Variants in SNX6 observed in about 807,000 individuals in gnomAD.
SNX6 encodes sorting nexin-6.
A neutral mutation model predicts 63.0 loss-of-function variants in SNX6; 34 were observed. That is an observed-to-expected ratio of 0.54 (90% CI 0.41 to 0.72). The LOEUF (loss-of-function observed/expected upper bound fraction) is 0.72. SNX6 is among the 30% of genes least tolerant of loss of function. The pLI is 0.00. For missense variants in SNX6, 398 were observed against 471.4 expected (o/e 0.84, Z 1.44); for synonymous variants, 170 against 164.2 (o/e 1.04, Z -0.27).
intron 5 of SNX6, chr14:34,604,011 C>T: frequency 1.6e-6 from 1 of 613,834 alleles, no homozygotes; most frequent in Non-Finnish European, 2.1e-6. Context: ...TTAATACCAG[C>T]AGTGAATCCC....
intron 5 of SNX6, 75 bp downstream of exon 5, chr14:34,605,521 G>T: frequency 8.0e-7 from 1 of 1,253,442 alleles, no homozygotes; most frequent in Non-Finnish European, 1.1e-6. Flanking sequence ...ACCAAAAAAG[G>T]CATTAAAGCA....
In SNX6 at chr14:34,609,753, A is replaced by G; in HGVS notation, c.55-11T>C. ...ATTTATTGCTTTAAGCTAGAAAAAG[A>G]AAACCAGTATCTTCATGAAAATCAT... is the stretch of plus-strand genomic sequence containing the variant. On this transcript the variant is annotated splice_polypyrimidine_tract_variant and intron_variant, in intron 2 of 13. Transcript: ENST00000362031. 3.1e-5 allele frequency: 48 copies of G among 1,525,974 alleles called. No individual in the cohort carries two copies. The highest frequency in any genetic ancestry group is 4.3e-5 in the Non-Finnish European group (48 of 1,106,588). 94.5% of individuals were successfully genotyped at this position (1,525,974 alleles called of 1,614,324 possible).
At chr14:34,614,735 T>C (rs575891001) in intron 2 of SNX6, among the ~76,000 whole-genome samples, 6 of 152,116 alleles carry the variant, frequency 3.9e-5, no homozygotes, top group South Asian at 2.1e-4. Flanking sequence ...CTGGGCAACA[T>C]AGCAAGACCT....
chr14:34,577,613 G>C (rs2138283224), intron 10 of SNX6, among the ~76,000 whole-genome samples: 1 of 152,206 alleles, frequency 6.6e-6, no homozygotes, highest in African/African-American at 2.4e-5. Flanking sequence ...TAAAAAGATA[G>C]CTCTTCAGTA....
intron 8 of SNX6, among the ~76,000 whole-genome samples, chr14:34,587,823 G>C (rs755933629): frequency 1.1e-4 from 16 of 142,074 alleles, no homozygotes; most frequent in Non-Finnish European, 2.3e-4. Flanking sequence ...TTTTTTTGGC[G>C]GGGGAGGGAT....
intron 4 of SNX6, among the ~76,000 whole-genome samples, chr14:34,607,270 A>AG (rs1883056723): frequency 6.6e-6 from 1 of 152,098 alleles, no homozygotes; most frequent in Non-Finnish European, 1.5e-5. Context: ...ATTTAAAAAA[A>AG]CATATCAGGC....
At chr14:34,565,140 T>C (rs1006346376) in intron 13 of SNX6, among the ~76,000 whole-genome samples, 1 of 150,730 alleles carries the variant, frequency 6.6e-6, no homozygotes, top group Non-Finnish European at 1.5e-5. Context: ...TGCAGTGGCA[T>C]GATCTCAGCT....
chr14:34,591,111 G>A (rs1007056953), intron 8 of SNX6, among the ~76,000 whole-genome samples: 2 of 152,040 alleles, frequency 1.3e-5, no homozygotes, highest in Admixed American at 6.6e-5. Context: ...AAACTTTGGG[G>A]GTGATGTGTG....
intron 2 of SNX6, among the ~76,000 whole-genome samples, chr14:34,623,951 T>C (rs1315627373): frequency 1.3e-5 from 2 of 152,164 alleles, no homozygotes; most frequent in Non-Finnish European, 2.9e-5. Flanking sequence ...TTCAAAGGGC[T>C]CATTTGTGTA....
chr14:34,614,090 G>C (rs1006878459), intron 2 of SNX6, among the ~76,000 whole-genome samples: 54 of 150,448 alleles, frequency 3.6e-4, no homozygotes, highest in African/African-American at 1.1e-3. Context: ...CTGGAAGACA[G>C]AGCGAGACTC....
At chr14:34,584,285 C>T (rs997114982) in intron 9 of SNX6, among the ~76,000 whole-genome samples, 37 of 152,068 alleles carry the variant, frequency 2.4e-4, no homozygotes, top group African/African-American at 8.0e-4. Flanking sequence ...AAATAGTTTT[C>T]CTGCTTAAAA....
Position 34,567,850 on chromosome 14 carries a change from G to C in SNX6, c.1081+4C>G, listed in dbSNP as rs182878648. 4.7e-5 allele frequency: 76 copies of C among 1,613,794 alleles called. No homozygotes were observed. The highest frequency in any genetic ancestry group is 1.8e-5 in the Non-Finnish European group (21 of 1,179,956). On this transcript the variant is annotated splice_donor_region_variant and intron_variant, in intron 12 of 13. Coordinates refer to ENST00000362031, the MANE Select transcript of SNX6 (RefSeq NM_152233.4). ...CTTGTGATTAAAGGTTAACGTAACA[G>C]TACCTTGTTTTGCAGACTCAGATAT...
rs554732616 is a variant in SNX6, at chr14:34,586,455, C to T, written c.719-150G>A. The T allele has an allele frequency of 9.5e-6, 4 of 422,410 alleles. No individual in the cohort carries two copies. The South Asian group carries it at 1.2e-4, about 13-fold the overall frequency. 26.2% of individuals were successfully genotyped at this position (422,410 alleles called of 1,614,324 possible). A position where few individuals can be genotyped will look rare whatever the true frequency, so the allele number is the denominator to read the frequency against. The stretch of plus-strand genomic sequence containing the variant: ...GGCATGGTGGCTCATGCCTGTAATC[C>T]CAACACTTTGGGAGGCTGGGGCAGG... On this transcript the variant is annotated intron_variant, in intron 8 of 13. Coordinates refer to ENST00000362031, the MANE Select transcript of SNX6 (RefSeq NM_152233.4).
rs749614942 is a variant in SNX6, at chr14:34,563,169, G to C, written c.1174C>G (p.Leu392Val). ...ELELKHAKGNLQLLQNCLAVL... is the reference protein window; with the variant it reads ...ELELKHAKGNVQLLQNCLAVL... Reference sequence around the variant, plus strand: ...GCCAGGCAGTTCTGCAGCAACTGTAGATTACCCTAAAAAAGGAAGAAAAAA... The same window carrying C: ...GCCAGGCAGTTCTGCAGCAACTGTACATTACCCTAAAAAAGGAAGAAAAAA... The change falls in exon 14 of 14, where the codon CTA (leucine) becomes GTA (valine). Residue 392 changes from leucine to valine, a missense_variant. Coordinates refer to ENST00000362031, the MANE Select transcript of SNX6 (RefSeq NM_152233.4). The C allele has an allele frequency of 7.4e-6, 12 of 1,613,296 alleles. No individual in the cohort carries two copies. Among genetic ancestry groups the C allele is most frequent in the African/African-American group, 6.7e-5 (5 of 74,900 alleles).
At chr14:34,629,318 C>G (rs1883946909) in intron 2 of SNX6, 1 of 345,102 alleles carries the variant, frequency 2.9e-6, no homozygotes, top group Non-Finnish European at 5.8e-6. Context: ...GGAAATCCTG[C>G]CAAAGACAGG....
At chr14:34,576,606 G>A (rs1321611017) in intron 10 of SNX6, among the ~76,000 whole-genome samples, 1 of 151,428 alleles carries the variant, frequency 6.6e-6, no homozygotes, top group African/African-American at 2.4e-5. Flanking sequence ...GCACTGCCAC[G>A]CCTGGCTAAC....
intron 6 of SNX6, among the ~76,000 whole-genome samples, chr14:34,597,868 G>A (rs1361581892): frequency 1.3e-5 from 2 of 152,166 alleles, no homozygotes; most frequent in Non-Finnish European, 2.9e-5. Context: ...TTCAGGTTCA[G>A]CTGGTCTACA....
At chr14:34,608,196 T>G in intron 3 of SNX6, 56 bp from the exon 4 acceptor site, 1 of 968,850 alleles carries the variant, frequency 1.0e-6, no homozygotes. Context: ...AAAAGTTTTT[T>G]GAAACTGGGT....
chr14:34,622,003 G>A (rs1883639786), intron 2 of SNX6, among the ~76,000 whole-genome samples: 1 of 125,836 alleles, frequency 7.9e-6, no homozygotes, highest in African/African-American at 3.1e-5. Flanking sequence ...TTGTCGCCCA[G>A]GCTGGAGTGC....
Sources: allele counts gnomAD v4.1 joint callset (sites outside exome capture counted in the v4.1 genomes callset), GRCh38; gene constraint gnomAD v4.1.1; transcripts MANE v1.5; gene names NCBI Gene and HGNC (gene_info 2026-07-23, HGNC 2026-07-21).